FOCAD: variants seen among roughly 807,000 people sequenced by gnomAD.
The protein encoded by FOCAD is focadhesin.
FOCAD carries 198 observed loss-of-function variants against 225.6 expected under a neutral mutation model. That is an observed-to-expected ratio of 0.88 (90% confidence interval 0.78 to 0.99). FOCAD has a LOEUF of 0.99. FOCAD is among the 50% of genes least tolerant of loss of function. The probability of loss-of-function intolerance (pLI) is 0.00; values close to 1 mark genes in which losing one functional copy is unlikely to be tolerated. For missense variants in FOCAD, 2,713 were observed against 2,123.6 expected (o/e 1.28, Z -5.46); for synonymous variants, 897 against 755.0 (o/e 1.19, Z -3.08).
intron 1 of FOCAD, among the ~76,000 whole-genome samples, chr9:20,696,541 T>C (rs916963217): frequency 6.6e-6 from 1 of 152,196 alleles, no homozygotes; most frequent in African/African-American, 2.4e-5. Context: ...CTGTGGTTCA[T>C]GCCTGTAATC....
At chr9:20,688,245 A>T (rs1308956994) in intron 1 of FOCAD, among the ~76,000 whole-genome samples, 1 of 152,224 alleles carries the variant, frequency 6.6e-6, no homozygotes, top group African/African-American at 2.4e-5. Context: ...GGTAAGGCAG[A>T]CATTTGCATT....
chr9:20,946,650 C>A (rs200781056), intron 29 of FOCAD, 51 bp from the exon 30 acceptor site: 4 of 1,567,170 alleles, frequency 2.6e-6, no homozygotes, highest in South Asian at 1.2e-5. Flanking sequence ...AAACCGAGTT[C>A]TTTTATTTTT....
intron 11 of FOCAD, among the ~76,000 whole-genome samples, chr9:20,792,539 C>G (rs1201097092): frequency 6.6e-6 from 1 of 152,168 alleles, no homozygotes; most frequent in Non-Finnish European, 1.5e-5. Flanking sequence ...TTGTTACTTG[C>G]TTTTCTCTTG....
intron 11 of FOCAD, among the ~76,000 whole-genome samples, chr9:20,817,006 G>T (rs1408098782): frequency 6.6e-6 from 1 of 152,126 alleles, no homozygotes; most frequent in Non-Finnish European, 1.5e-5. Context: ...ATGGAATGAG[G>T]TGTGCGTATC....
chr9:20,685,196 A>ATTTTTTTTTTTTTTTTTTTTTTTTTTT (rs397959541), intron 1 of FOCAD, among the ~76,000 whole-genome samples: 2 of 143,066 alleles, frequency 1.4e-5, no homozygotes, highest in Non-Finnish European at 1.5e-5. Context: ...TGAGTTGGAA[A>ATTTTTTTTTTTTTTTTTTTTTTTTTTT]TTTTTTTTTT....
chr9:20,699,018 G>A (rs891209098), intron 1 of FOCAD, among the ~76,000 whole-genome samples: 1 of 152,192 alleles, frequency 6.6e-6, no homozygotes, highest in African/African-American at 2.4e-5. Context: ...ACCACAGAAT[G>A]ATTTAGTTTT....
Position 20,854,228 on chromosome 9 carries a change from T to C in FOCAD, c.1921-8350T>C, listed in dbSNP as rs1357601615. On this transcript the variant is annotated intron_variant, in intron 15 of 43. Coordinates refer to ENST00000338382, the MANE Select transcript of FOCAD (RefSeq NM_001375567.1). ...ATTAGGAGATAGCTCTCTGTTCCTC[T>C]GCAAAAGAACAAAGTCATTTTTACA... Among the ~76,000 whole-genome samples, 5 of 151,924 alleles carry C rather than the reference T, an allele frequency of 3.3e-5. No individual in the cohort carries two copies. The East Asian group carries it at 9.6e-4, about 29-fold the overall frequency.
At chr9:20,687,979 G>A (rs1305011727) in intron 1 of FOCAD, among the ~76,000 whole-genome samples, 2 of 152,182 alleles carry the variant, frequency 1.3e-5, no homozygotes, top group Non-Finnish European at 2.9e-5. Context: ...TAGAGGATAA[G>A]GCATTCTGGG....
At chr9:20,812,785 C>G (rs541258106) in intron 11 of FOCAD, among the ~76,000 whole-genome samples, 11 of 152,116 alleles carry the variant, frequency 7.2e-5, no homozygotes, top group Non-Finnish European at 1.6e-4. Flanking sequence ...TCAGTTTAAT[C>G]TTCGGTAAAA....
At chr9:20,815,287 C>G (rs1160683826) in intron 11 of FOCAD, among the ~76,000 whole-genome samples, 2 of 150,078 alleles carry the variant, frequency 1.3e-5, no homozygotes, top group African/African-American at 4.9e-5. Flanking sequence ...GCATGCACCA[C>G]CATACCCAGC....
At chr9:20,862,753 G>A (rs1308688225) in intron 16 of FOCAD, 41 bp downstream of exon 16, 3 of 1,583,442 alleles carry the variant, frequency 1.9e-6, no homozygotes, top group Admixed American at 1.8e-5. Flanking sequence ...CTTCTTCATG[G>A]GAAAGATGTG....
intron 42 of FOCAD, among the ~76,000 whole-genome samples, chr9:20,992,368 T>G (rs1395839886): frequency 6.6e-6 from 1 of 152,224 alleles, no homozygotes; most frequent in South Asian, 2.1e-4. Context: ...TGTTCTCATC[T>G]ACAGAAACAT....
chr9:20,947,460 CAGAA>C (rs1308281480), intron 30 of FOCAD, among the ~76,000 whole-genome samples: 1 of 151,964 alleles, frequency 6.6e-6, no homozygotes, highest in Non-Finnish European at 1.5e-5. Flanking sequence ...AGCATAGAGA[CAGAA>C]AGTAGAATGG....
chr9:20,870,636 C>T (rs1829678339), intron 18 of FOCAD, among the ~76,000 whole-genome samples: 1 of 152,198 alleles, frequency 6.6e-6, no homozygotes, highest in South Asian at 2.1e-4. Context: ...GCAACAGCAT[C>T]AGATCGCAGC....
At chr9:20,902,524 G>A (rs1300951859) in intron 21 of FOCAD, among the ~76,000 whole-genome samples, 1 of 151,882 alleles carries the variant, frequency 6.6e-6, no homozygotes, top group Non-Finnish European at 1.5e-5. Flanking sequence ...AAGAGTTTGG[G>A]CTTTATTCTT....
chr9:20,906,059 G>T (rs915931707), intron 21 of FOCAD, among the ~76,000 whole-genome samples: 4 of 151,582 alleles, frequency 2.6e-5, no homozygotes, highest in African/African-American at 4.8e-5. Context: ...CTCTCACTAG[G>T]TGGAAAAGTC....
chr9:20,919,239 T>C (rs1032452790), intron 24 of FOCAD, among the ~76,000 whole-genome samples: 3 of 152,110 alleles, frequency 2.0e-5, no homozygotes, highest in African/African-American at 7.2e-5. Flanking sequence ...ATAAAATACC[T>C]AGGAATCCAA....
rs201058472 is a variant in FOCAD at position 20,675,639 on chromosome 9, G to T, written c.-78+16813G>T. Among the ~76,000 whole-genome samples the T allele has an allele frequency of 1.6e-3, 238 of 152,296 alleles. 2 individuals are homozygous for T. Among genetic ancestry groups the T allele is most frequent in the African/African-American group, 5.6e-3 (231 of 41,572 alleles). On this transcript the variant is annotated intron_variant, in intron 2 of 45. Transcript: ENST00000380249. ...AAGTAATTTTCTGAGTGGCTTCTTT[G>T]TTGGCCAAGCAAAGAAAGCTGTTTA... is the stretch of plus-strand genomic sequence containing the variant.
chr9:20,875,685 A>G (rs1391125469), intron 19 of FOCAD: 2 of 151,990 alleles, frequency 1.3e-5, no homozygotes, highest in African/African-American at 4.8e-5. Context: ...ACTTGCCCCT[A>G]TTACTATATG....
Sources: allele counts gnomAD v4.1 joint callset (sites outside exome capture counted in the v4.1 genomes callset), GRCh38; gene constraint gnomAD v4.1.1; transcripts MANE v1.5; gene names NCBI Gene and HGNC (gene_info 2026-07-23, HGNC 2026-07-21).